The following MYO15A variants were observed in gnomAD, a reference collection of about 807,000 sequenced individuals.
MYO15A encodes myosin XVA.
In MYO15A, 308 loss-of-function variants were observed where a neutral mutation model predicts 394.6. That is an observed-to-expected ratio of 0.78 (90% confidence interval 0.71 to 0.86). The LOEUF is 0.86. Ranked by LOEUF, MYO15A falls within the 40% of genes least tolerant of loss-of-function variation. The pLI is 0.00. For synonymous variants in MYO15A, 1,957 were observed against 2,003.8 expected (o/e 0.98, Z 0.62); for missense variants, 4,606 against 4,799.1 (o/e 0.96, Z 1.19).
Position 18,150,563 on chromosome 17 carries a change from G to T in MYO15A, c.7327+20G>T, listed in dbSNP as rs777187264. ...AGCCAAGTCAGTGCCTCCCCAGGGT[G>T]GTTCCAGGGTTGGGCAGGGCCAGAG... On this transcript the variant is annotated intron_variant, in intron 36 of 65. Coordinates refer to ENST00000647165, the MANE Select transcript of MYO15A (RefSeq NM_016239.4). The surrounding 1 kb of genome is among the most constrained non-coding windows in gnomAD (Gnocchi z 4.4). The T allele has an allele frequency of 6.2e-7, 1 of 1,613,778 alleles. No homozygotes were observed. Among genetic ancestry groups the T allele is most frequent in the Non-Finnish European group, 8.5e-7 (1 of 1,179,682 alleles).
chr17:18,158,812 G>C, intron 52 of MYO15A, 113 bp from the exon 53 acceptor site: 1 of 1,420,730 alleles, frequency 7.0e-7, no homozygotes, highest in Non-Finnish European at 1.0e-6. Flanking sequence ...GTGACCGGTA[G>C]ACTGATCAGT....
At chr17:18,131,603 C>A (rs1207878234) in intron 10 of MYO15A, 72 bp downstream of exon 10, 2 of 1,563,744 alleles carry the variant, frequency 1.3e-6, no homozygotes, top group African/African-American at 1.4e-5. Flanking sequence ...CAGAGCCTGG[C>A]CCCTGGTAGG....
chr17:18,141,818 G>T (rs2046388099), intron 23 of MYO15A, 48 bp downstream of exon 23: 2 of 1,569,702 alleles, frequency 1.3e-6, no homozygotes, highest in Non-Finnish European at 1.8e-6. Flanking sequence ...AGTTTGGGGG[G>T]GTCCACAACT....
Position 18,132,652 on chromosome 17 carries a change from A to G in MYO15A, c.4320+86A>G, listed in dbSNP as rs1394729158. ...GCTGGGCCTTGGGAGCCGAGTTGTGAGTGATGGAGTGTGAAGGTGAAGGAG... is the reference window on the plus strand; with the variant it reads ...GCTGGGCCTTGGGAGCCGAGTTGTGGGTGATGGAGTGTGAAGGTGAAGGAG... On this transcript the variant is annotated intron_variant, in intron 11 of 65. Coordinates refer to ENST00000647165, the MANE Select transcript of MYO15A (RefSeq NM_016239.4). The surrounding 1 kb of genome is among the most constrained non-coding windows in gnomAD (Gnocchi z 4.6). The G allele has an allele frequency of 5.6e-6, 6 of 1,063,070 alleles. No homozygotes were observed. Among genetic ancestry groups the G allele is most frequent in the Non-Finnish European group, 5.7e-6 (4 of 698,304 alleles). 65.9% of individuals were successfully genotyped at this position (1,063,070 alleles called of 1,614,324 possible). A position where few individuals can be genotyped will look rare whatever the true frequency, so the allele number is the denominator to read the frequency against.
Position 18,172,268 on chromosome 17 carries a change from A to T in MYO15A, c.10328A>T (p.Asn3443Ile), listed in dbSNP as rs1468426164. The T allele has an allele frequency of 6.2e-7, 1 of 1,614,176 alleles. No individual in the cohort carries two copies. Among genetic ancestry groups the T allele is most frequent in the South Asian group, 1.1e-5 (1 of 91,076 alleles). Residue 3443 changes from asparagine (N) to isoleucine (I), a missense_variant, in exon 64 of 66, where the codon AAC (asparagine) becomes ATC (isoleucine). Physicochemically the swap from Asn to Ile is moderately radical, Grantham distance 149 (BLOSUM62 -3). Around this residue, in one of 2 missense-constraint regions of MYO15A, gnomAD observed 2,776 missense variants for 3,109.3 expected, o/e 0.89. Transcript: ENST00000647165. ...CTTGCCATCAACCACAATGGCCTCAACTTTCTCAGCACAGAGACTCATGTG... is the reference window on the plus strand; with the variant it reads ...CTTGCCATCAACCACAATGGCCTCATCTTTCTCAGCACAGAGACTCATGTG... ...CILAINHNGL[N>I]FLSTETHELM...
chr17:18,142,216 C>T lies in MYO15A; in HGVS notation c.5787C>T (p.Ile1929=). The T allele has an allele frequency of 6.2e-7, 1 of 1,613,500 alleles. No homozygotes were observed. The highest frequency in any genetic ancestry group is 2.2e-5 in the East Asian group (1 of 44,884). ...GATTCCGCTCTCTGCGCCACAAGAT[C>T]ATCCTGCTGCAAAGCCGGGCCCGTG... ...KRRFRSLRHK[I]ILLQSRARGY... The change falls in exon 24 of 66, where the codon ATC becomes ATT. Residue 1929 remains isoleucine, a synonymous_variant. Transcript: ENST00000647165.
Position 18,142,826 on chromosome 17 carries a change from C to T in MYO15A, c.5896C>T (p.Arg1966Ter), listed in dbSNP as rs765468034. 1.9e-5 allele frequency: 30 copies of T among 1,612,482 alleles called. No homozygotes were observed. Among genetic ancestry groups the T allele is most frequent in the South Asian group, 3.3e-5 (3 of 90,742 alleles). ...RSLVHAYVSR[R>*]RYLKLRAEWR... ...CCTGGTACACGCATACGTGAGCCGCCGACGCTATCTCAAGGTATAGGCCCT... is the reference window on the plus strand; with the variant it reads ...CCTGGTACACGCATACGTGAGCCGCTGACGCTATCTCAAGGTATAGGCCCT... Residue 1966 changes from arginine (R) to a stop codon, truncating the protein, a stop_gained, in exon 25 of 66, where the codon CGA (arginine) becomes TGA (stop). Coordinates refer to ENST00000647165, the MANE Select transcript of MYO15A (RefSeq NM_016239.4). LOFTEE classifies it high-confidence loss of function.
Position 18,140,586 on chromosome 17 carries a change from G to C in MYO15A, c.5281G>C (p.Val1761Leu), listed in dbSNP as rs746033874. The change falls in exon 20 of 66, where the codon GTC becomes CTC. Residue 1761 changes from valine to leucine, a missense_variant. Physicochemically the swap from Val to Leu is conservative, Grantham distance 32. Around this residue, in one of 2 missense-constraint regions of MYO15A, gnomAD observed 2,776 missense variants for 3,109.3 expected, o/e 0.89. Transcript: ENST00000647165. ...APQRLGKSSS[V>L]TRLYKAHTVA... ...TCAGCGCCTGGGCAAGAGCAGCTCC[G>C]TCACTCGGCTCTACAAGGCGCACAC... is the stretch of plus-strand genomic sequence containing the variant. 1 of 1,613,616 alleles carries C rather than the reference G, an allele frequency of 6.2e-7. No individual in the cohort carries two copies. Among genetic ancestry groups the C allele is most frequent in the Admixed American group, 1.7e-5 (1 of 60,004 alleles).
In MYO15A at chr17:18,153,889, G is replaced by T; in HGVS notation, c.8081G>T (p.Arg2694Leu). ...GACGCCCCCTGGAAGATCTTCCTGC[G>T]CAAAGAGGTGCCGAGCACAGCCGTA... ...YQDAPWKIFL[R>L]KEVFYPKDSY... Residue 2694 changes from arginine (R) to leucine (L), a missense_variant, in exon 43 of 66, where the codon CGC (arginine) becomes CTC (leucine). Transcript: ENST00000647165. This position sits in a 1 kb window ranked among gnomAD's most constrained non-coding sequence, Gnocchi z 4.1. 2 of 1,613,520 alleles carry T rather than the reference G, an allele frequency of 1.2e-6. No individual in the cohort carries two copies. Among genetic ancestry groups the T allele is most frequent in the Non-Finnish European group, 1.7e-6 (2 of 1,180,018 alleles).
intron 24 of MYO15A, 60 bp from the exon 25 acceptor site, chr17:18,142,696 T>A: frequency 6.8e-7 from 1 of 1,477,934 alleles, no homozygotes; most frequent in Non-Finnish European, 9.4e-7. Context: ...CCTCTCTACC[T>A]TTTGGTCACC....
intron 12 of MYO15A, among the ~76,000 whole-genome samples, chr17:18,134,198 C>T (rs1026799517): frequency 2.0e-5 from 3 of 151,658 alleles, no homozygotes; most frequent in African/African-American, 7.3e-5. Context: ...TCATGTTGGC[C>T]AGGATGGTCT....
rs1013256216 is a variant in MYO15A, at chr17:18,117,535, G to A, written c.-219-1047G>A. ...AAAAGAGTGAACCAGAGTTCAGTGA[G>A]TTGAGGTCCATCTTGAGGAGGAAGA... On this transcript the variant is annotated intron_variant, in intron 1 of 65. Transcript: ENST00000647165. This position sits in a 1 kb window ranked among gnomAD's most constrained non-coding sequence, Gnocchi z 4.1. Among the ~76,000 whole-genome samples the A allele has an allele frequency of 1.3e-5, 2 of 152,244 alleles. No homozygotes were observed. Among genetic ancestry groups the A allele is most frequent in the African/African-American group, 4.8e-5 (2 of 41,450 alleles).
In MYO15A at chr17:18,132,376, G is replaced by A; in HGVS notation, c.4207-77G>A. 8.7e-7 allele frequency: 1 copy of A among 1,153,642 alleles called. No individual in the cohort carries two copies. 71.5% of individuals were successfully genotyped at this position (1,153,642 alleles called of 1,614,324 possible). ...TGTGTGCATGTGCACTTGTGGGCAG[G>A]CTTGGGCTTGTATGTGTGCCTGGGG... On this transcript the variant is annotated intron_variant, in intron 10 of 65. Coordinates refer to ENST00000647165, the MANE Select transcript of MYO15A (RefSeq NM_016239.4). The surrounding 1 kb of genome is among the most constrained non-coding windows in gnomAD (Gnocchi z 4.6).
rs144698730 is a variant in MYO15A, at chr17:18,129,898, T to G, written c.4033-907T>G. On this transcript the variant is annotated intron_variant, in intron 7 of 65. Coordinates refer to ENST00000647165, the MANE Select transcript of MYO15A (RefSeq NM_016239.4). Reference sequence around the variant, plus strand: ...GTTTTTTGTTTTTGTTTTTGTTTTTTTTTAGACAGTCTCACTCTGTCACCA... The same window carrying G: ...GTTTTTTGTTTTTGTTTTTGTTTTTGTTTAGACAGTCTCACTCTGTCACCA... Among the ~76,000 whole-genome samples the G allele has an allele frequency of 8.2e-4, 125 of 152,288 alleles. 6 individuals carry two copies. The East Asian group carries it at 0.024, about 29-fold the overall frequency.
intron 1 of MYO15A, among the ~76,000 whole-genome samples, chr17:18,115,479 G>A (rs2045772062): frequency 6.6e-6 from 1 of 152,158 alleles, no homozygotes; most frequent in South Asian, 2.1e-4. Context: ...TTAGCTGGGC[G>A]TGGCGGTGTG....
Position 18,124,497 on chromosome 17 carries a change from C to A in MYO15A, c.3624C>A (p.Arg1208=). Residue 1208 remains arginine (R), a synonymous_variant, in exon 3 of 66, where the codon CGC becomes CGA. Coordinates refer to ENST00000647165, the MANE Select transcript of MYO15A (RefSeq NM_016239.4). ...PSWRNKMHSI[R]NLPSMRFREQ... Reference sequence around the variant, plus strand: ...CTCTCACACAGATGCACTCCATCCGCAACCTGCCATCCATGCGGTTCCGTG... The same window carrying A: ...CTCTCACACAGATGCACTCCATCCGAAACCTGCCATCCATGCGGTTCCGTG... 6.2e-7 allele frequency: 1 copy of A among 1,612,524 alleles called. No homozygotes were observed. Among genetic ancestry groups the A allele is most frequent in the Non-Finnish European group, 8.5e-7 (1 of 1,180,004 alleles).
At chr17:18,124,783 A>C (rs2046002634) in intron 3 of MYO15A, 7 of 602,634 alleles carry the variant, frequency 1.2e-5, no homozygotes. Flanking sequence ...CAGACGTTGC[A>C]CAAATCGCTT....
intron 2 of MYO15A, 23 bp from the exon 3 acceptor site, chr17:18,124,460 C>T: frequency 6.2e-7 from 1 of 1,607,294 alleles, no homozygotes; most frequent in Non-Finnish European, 8.5e-7. Context: ...AACCTGCAGA[C>T]ACAGCCTCTC....
chr17:18,128,682 G>A (rs1299006666), intron 7 of MYO15A, among the ~76,000 whole-genome samples: 4 of 152,244 alleles, frequency 2.6e-5, no homozygotes, highest in Non-Finnish European at 5.9e-5. Flanking sequence ...CAGGCACAGT[G>A]CTGGGTTCCT....
Sources: gnomAD v4.1 joint callset for allele counts (sites outside exome capture counted in the v4.1 genomes callset) on GRCh38, gnomAD v4.1.1 for gene constraint, gnomAD v4.1.1 regional missense constraint, Gnocchi (gnomAD v3.1) non-coding constraint, MANE v1.5 for transcripts, NCBI Gene and HGNC (gene_info 2026-07-23, HGNC 2026-07-21) for gene names.